The following PAK1 variants were observed in gnomAD, a reference collection of about 807,000 sequenced individuals.
The protein encoded by PAK1 is serine/threonine-protein kinase PAK 1.
PAK1 carries 29 observed loss-of-function variants against 67.4 expected under a neutral mutation model. The ratio of observed to expected loss-of-function variants is 0.43; its 90% CI spans 0.32 to 0.59. PAK1 has a LOEUF of 0.59. PAK1 is among the 20% of genes least tolerant of loss of function. The pLI is 0.07. For synonymous variants in PAK1, 223 were observed against 237.4 expected, an observed-to-expected ratio of 0.94 and a Z score of 0.56; for missense variants, 337 against 670.7, an observed-to-expected ratio of 0.50 and a Z score of 5.50.
At chr11:77,527,371 G>A in the PAK1 span, among the ~76,000 whole-genome samples, 3 of 152,126 alleles carry the variant, frequency 2.0e-5, no homozygotes, top group African/African-American at 7.2e-5. Flanking sequence ...TCAAAGTGTT[G>A]GGATTACAGG....
At chr11:77,465,002 GTGTGTGTGTGTC>G (rs1236785585) in intron 1 of PAK1, among the ~76,000 whole-genome samples, 16 of 150,640 alleles carry the variant, frequency 1.1e-4, no homozygotes, top group Admixed American at 6.6e-4. Flanking sequence ...GTGTGTGTGT[GTGTGTGTGTGTC>G]TGTGTGTGTG....
intron 1 of PAK1, among the ~76,000 whole-genome samples, chr11:77,420,712 A>T (rs969054726): frequency 2.0e-5 from 3 of 152,184 alleles, no homozygotes; most frequent in African/African-American, 7.2e-5. Context: ...ACAACAGTGG[A>T]TCTCAATAGT....
the PAK1 span, among the ~76,000 whole-genome samples, chr11:77,516,912 G>A: frequency 1.3e-5 from 2 of 151,682 alleles, no homozygotes; most frequent in Non-Finnish European, 2.9e-5. Context: ...AGGCTGAGAC[G>A]GGAGGATTGC....
rs147944224 is a variant in PAK1, at chr11:77,379,127, C to T, written c.439+114G>A. 104 of 909,184 alleles carry T rather than the reference C, an allele frequency of 1.1e-4. No individual in the cohort carries two copies. The East Asian group carries it at 2.6e-3, about 23-fold the overall frequency. 56.3% of individuals were successfully genotyped at this position (909,184 alleles called of 1,614,324 possible). ...TCCAAAATTCCACGTTAAAGTGCCA[C>T]TTCCACTCTTTCCACTACTTTCTTC... is the stretch of plus-strand genomic sequence containing the variant. On this transcript the variant is annotated intron_variant, in intron 4 of 14. Coordinates refer to ENST00000356341, the MANE Select transcript of PAK1 (RefSeq NM_002576.5).
In PAK1 at chr11:77,355,705, C is replaced by T. The variant is rs776571998; in HGVS notation, c.735G>A (p.Lys245=). 1.2e-6 allele frequency: 2 copies of T among 1,613,566 alleles called. No homozygotes were observed. The highest frequency in any genetic ancestry group is 3.3e-5 in the Admixed American group (2 of 59,998). ...AGATCTCCTCATCAGACATTTTAGG[C>T]TTCTTCTTCTGCTTCTCAGTATTCC... The part of the protein sequence containing the change: ...LTRNTEKQKK[K]PKMSDEEILE... The change falls in exon 7 of 15, where the codon AAG becomes AAA. Residue 245 remains lysine, a synonymous_variant. Coordinates refer to ENST00000356341, the MANE Select transcript of PAK1 (RefSeq NM_002576.5).
chr11:77,391,838 T>C (rs1219973244), intron 2 of PAK1, among the ~76,000 whole-genome samples: 1 of 152,220 alleles, frequency 6.6e-6, no homozygotes, highest in African/African-American at 2.4e-5. Context: ...TCATGCTGAA[T>C]GCTAGTTATC....
intron 5 of PAK1, among the ~76,000 whole-genome samples, chr11:77,368,123 A>T (rs992470357): frequency 5.9e-5 from 9 of 152,222 alleles, no homozygotes; most frequent in Non-Finnish European, 1.3e-4. Flanking sequence ...AGGCCGAAAG[A>T]GTTCACAAAG....
In PAK1 at chr11:77,359,131, C is replaced by T. The variant is rs958585079; in HGVS notation, c.478-114G>A. ...ATCCTGATATCCCTTCTGAAATACA[C>T]ATTAGCCTCCAAGCTCTCACCTTTG... On this transcript the variant is annotated intron_variant, in intron 5 of 14. Transcript: ENST00000356341. 18 of 883,194 alleles carry T rather than the reference C, an allele frequency of 2.0e-5. No homozygotes were observed. The African/African-American group carries it at 2.9e-4, about 14-fold the overall frequency. The allele number at this position is 883,194 out of a possible 1,614,324, so 54.7% of individuals were successfully genotyped here.
At chr11:77,460,324 T>C (rs1228886339) in intron 1 of PAK1, among the ~76,000 whole-genome samples, 2 of 25,372 alleles carry the variant, frequency 7.9e-5, no homozygotes, top group East Asian at 4.4e-4. Context: ...TTTTGTTTGC[T>C]TTTTTTTTTT....
chr11:77,342,775 G>A (rs1256793910), intron 10 of PAK1, among the ~76,000 whole-genome samples: 3 of 152,120 alleles, frequency 2.0e-5, no homozygotes, highest in African/African-American at 7.2e-5. Flanking sequence ...ACCAGTAACA[G>A]GAAGAGGTAG....
intron 1 of PAK1, among the ~76,000 whole-genome samples, chr11:77,462,435 G>C (rs1009708065): frequency 6.6e-6 from 1 of 152,070 alleles, no homozygotes; most frequent in African/African-American, 2.4e-5. Flanking sequence ...ATTTAGCACA[G>C]TAAGGTTTCT....
intron 1 of PAK1, among the ~76,000 whole-genome samples, chr11:77,398,738 G>C (rs1952183151): frequency 6.6e-6 from 1 of 152,128 alleles, no homozygotes; most frequent in Non-Finnish European, 1.5e-5. Context: ...TCTATCTTTA[G>C]TTTTTTGTTT....
rs565178476 is a variant in PAK1, at chr11:77,349,792, T to C, written c.837-505A>G. Among the ~76,000 whole-genome samples, 411 of 151,836 alleles carry C rather than the reference T, an allele frequency of 2.7e-3. 1 individual carries two copies. The highest frequency in any genetic ancestry group is 9.2e-3 in the African/African-American group (380 of 41,402). ...TATAAAAGGGATAAGATTAGATCTA[T>C]GATTTTCAACTGGGGGGGTGACAGG... On this transcript the variant is annotated intron_variant, in intron 8 of 14. Transcript: ENST00000356341.
the PAK1 span, among the ~76,000 whole-genome samples, chr11:77,490,928 C>T: frequency 6.6e-6 from 1 of 152,008 alleles, no homozygotes; most frequent in African/African-American, 2.4e-5. Context: ...TGCTTGAAGG[C>T]AGCGTGCTTG....
At chr11:77,494,677 A>C in the PAK1 span, among the ~76,000 whole-genome samples, 1 of 152,164 alleles carries the variant, frequency 6.6e-6, no homozygotes, top group Non-Finnish European at 1.5e-5. Context: ...GTGGGAATGG[A>C]AAATGATACA....
intron 14 of PAK1, among the ~76,000 whole-genome samples, chr11:77,324,764 CACACACACACACAG>C (rs1939316363): frequency 2.2e-5 from 3 of 137,000 alleles, no homozygotes; most frequent in African/African-American, 1.1e-4. Context: ...CACACACACA[CACACACACACACAG>C]AGAGAGAGAG....
At chr11:77,333,017 G>T in intron 13 of PAK1, 150 bp from the exon 14 acceptor site, 1 of 673,088 alleles carries the variant, frequency 1.5e-6, no homozygotes, top group Non-Finnish European at 2.5e-6. Context: ...TATGACCTAA[G>T]GATCAGGTTG....
intron 14 of PAK1, among the ~76,000 whole-genome samples, chr11:77,331,898 C>T (rs1043644634): frequency 2.0e-5 from 3 of 151,954 alleles, no homozygotes; most frequent in East Asian, 1.9e-4. Flanking sequence ...TTGAGCTAAT[C>T]CCAGCAAAAT....
chr11:77,355,805 GT>G lies in PAK1; in HGVS notation c.634del (p.Thr212LeufsTer24). ...TRSVIEPLPV[T>X]PTRDVATSPI... is the part of the protein sequence containing the mutation. ...AGATGTAGCCACGTCCCGAGTTGGA[GT>G]GACAGGAAGTGGTTCAATCACAGAC... On this transcript the variant is annotated frameshift_variant, in exon 7 of 15. Transcript: ENST00000356341. LOFTEE classifies it high-confidence loss of function. 6.2e-7 allele frequency: 1 copy of G among 1,613,690 alleles called. No homozygotes were observed. Among genetic ancestry groups the G allele is most frequent in the South Asian group, 1.1e-5 (1 of 91,080 alleles).
Sources: allele counts gnomAD v4.1 joint callset (sites outside exome capture counted in the v4.1 genomes callset), GRCh38; gene constraint gnomAD v4.1.1; transcripts MANE v1.5; gene names NCBI Gene and HGNC (gene_info 2026-07-23, HGNC 2026-07-21).